The following DIXDC1 variants were observed in gnomAD, a reference collection of about 807,000 sequenced individuals.
The protein encoded by DIXDC1 is dixin.
DIXDC1 carries 64 observed loss-of-function variants against 103.1 expected under a neutral mutation model. The ratio of observed to expected loss-of-function variants is 0.62; its 90% CI spans 0.51 to 0.76. The LOEUF is 0.76. Among genes scored for constraint, DIXDC1 ranks in the 30% least tolerant of loss-of-function variants. The probability of loss-of-function intolerance (pLI) is 0.00; values close to 1 mark genes in which losing one functional copy is unlikely to be tolerated. For missense variants in DIXDC1, 759 were observed against 834.2 expected, an observed-to-expected ratio of 0.91 and a Z score of 1.11; for synonymous variants, 266 against 298.5, an observed-to-expected ratio of 0.89 and a Z score of 1.12.
chr11:111,966,933 C>T (rs1859759401), intron 2 of DIXDC1, among the ~76,000 whole-genome samples: 1 of 152,190 alleles, frequency 6.6e-6, no homozygotes, highest in African/African-American at 2.4e-5. Context: ...GGCCTCAGAC[C>T]TCATTTTATT....
rs1966244901 is a variant in DIXDC1, at chr11:111,937,438, A to G, written c.-62A>G. The G allele has an allele frequency of 1.3e-6, 2 of 1,547,442 alleles. No individual in the cohort carries two copies. The highest frequency in any genetic ancestry group is 4.0e-5 in the Admixed American group (2 of 49,950). On this transcript the variant is annotated 5_prime_UTR_variant, in exon 1 of 20. Coordinates refer to ENST00000440460, the MANE Select transcript of DIXDC1 (RefSeq NM_001037954.4). The stretch of plus-strand genomic sequence containing the variant: ...GAGAGCCTTTGTGTGCAGAGGGAGG[A>G]GGAGGAGGCGGCGGCGGCCGCCGGG...
intron 9 of DIXDC1, among the ~76,000 whole-genome samples, chr11:111,988,722 A>G (rs1427592656): frequency 6.6e-6 from 1 of 152,188 alleles, no homozygotes; most frequent in Non-Finnish European, 1.5e-5. Flanking sequence ...AAATATAGAA[A>G]TGAGAGCCTA....
At chr11:111,989,086 A>C (rs1211706305) in intron 10 of DIXDC1, 31 bp downstream of exon 10, 2 of 1,557,766 alleles carry the variant, frequency 1.3e-6, no homozygotes, top group East Asian at 2.3e-5. Flanking sequence ...TTCTTTAAAT[A>C]AAGTCTCTGC....
At chr11:111,985,196 A>C (rs782199361) in intron 7 of DIXDC1, 36 bp from the exon 8 acceptor site, 29 of 1,530,430 alleles carry the variant, frequency 1.9e-5, no homozygotes, top group Non-Finnish European at 2.4e-5. Flanking sequence ...CATCTGAAGG[A>C]GAGTTAAGTT....
At chr11:111,946,845 G>T in intron 1 of DIXDC1, 1 of 405,656 alleles carries the variant, frequency 2.5e-6, no homozygotes, top group Non-Finnish European at 5.0e-6. Flanking sequence ...TTTTGTTAGA[G>T]GCTGTATTGC....
At chr11:111,962,865 T>C (rs1038926452) in intron 1 of DIXDC1, among the ~76,000 whole-genome samples, 1 of 152,186 alleles carries the variant, frequency 6.6e-6, no homozygotes, top group Admixed American at 6.5e-5. Flanking sequence ...AGGTGCCCTT[T>C]GCCTGGTCTG....
At chr11:111,996,262 A>G in intron 17 of DIXDC1, 116 bp downstream of exon 17, 5 of 878,040 alleles carry the variant, frequency 5.7e-6, no homozygotes, top group Non-Finnish European at 8.6e-6. Flanking sequence ...CTTTTATACT[A>G]TTTTGTTTCT....
rs1384185777 is a variant in DIXDC1 at position 111,968,470 on chromosome 11, A to G, written c.191-43A>G. 4 of 1,596,334 alleles carry G rather than the reference A, an allele frequency of 2.5e-6. No homozygotes were observed. The African/African-American group carries it at 5.4e-5, about 21-fold the overall frequency. Reference sequence around the variant, plus strand: ...GTCTAGCTGCTATGAAACTTTGATAATATTCCTCCCTATAACTTCCTATAT... The same window carrying G: ...GTCTAGCTGCTATGAAACTTTGATAGTATTCCTCCCTATAACTTCCTATAT... On this transcript the variant is annotated intron_variant, in intron 2 of 19. Transcript: ENST00000440460.
intron 9 of DIXDC1, among the ~76,000 whole-genome samples, chr11:111,987,424 G>A (rs1485889648): frequency 1.3e-4 from 20 of 151,880 alleles, no homozygotes; most frequent in East Asian, 3.9e-4. Context: ...ATAGAATTTC[G>A]GTGTCATTAT....
chr11:111,985,312 G>C lies in DIXDC1; in HGVS notation c.999G>C (p.Glu333Asp), dbSNP rs782585635. The change falls in exon 8 of 20, where the codon GAG becomes GAC. Residue 333 changes from glutamate to aspartate, a missense_variant. Transcript: ENST00000440460. Reference sequence around the variant, plus strand: ...TCTGTGAACCAGGTGTCAATCCCGAGGAACAACTGGTGAGCTCCATCTTTT... The same window carrying C: ...TCTGTGAACCAGGTGTCAATCCCGACGAACAACTGGTGAGCTCCATCTTTT... ...LALCEPGVNP[E>D]EQLIIIQSRL... 26 of 1,612,642 alleles carry C rather than the reference G, an allele frequency of 1.6e-5. No individual in the cohort carries two copies. The highest frequency in any genetic ancestry group is 2.2e-5 in the Non-Finnish European group (26 of 1,179,310).
At chr11:112,004,177 AT>A (rs1861164321) in intron 17 of DIXDC1, among the ~76,000 whole-genome samples, 2 of 151,834 alleles carry the variant, frequency 1.3e-5, no homozygotes, top group Admixed American at 1.3e-4. Context: ...TAGAACTGAT[AT>A]GTATCAATTT....
intron 1 of DIXDC1, among the ~76,000 whole-genome samples, chr11:111,962,632 G>C (rs782543966): frequency 6.6e-6 from 1 of 152,208 alleles, no homozygotes; most frequent in African/African-American, 2.4e-5. Flanking sequence ...AGGCTAGCAC[G>C]TGACGAGCTT....
At chr11:111,978,068 C>T (rs1445557528) in intron 5 of DIXDC1, among the ~76,000 whole-genome samples, 1 of 152,012 alleles carries the variant, frequency 6.6e-6, no homozygotes, top group African/African-American at 2.4e-5. Context: ...GCCTATTACC[C>T]GTTTAAAAAA....
intron 17 of DIXDC1, among the ~76,000 whole-genome samples, chr11:111,997,988 C>G (rs1860956071): frequency 6.6e-6 from 1 of 152,316 alleles, no homozygotes; most frequent in Non-Finnish European, 1.5e-5. Flanking sequence ...TCTTTTCTTC[C>G]TCACTTCCTG....
chr11:111,988,852 G>A, intron 9 of DIXDC1, 153 bp from the exon 10 acceptor site: 1 of 614,414 alleles, frequency 1.6e-6, no homozygotes. Flanking sequence ...AGCCTGTACT[G>A]CTCACTGAAC....
At chr11:111,969,638 A>G (rs1389871542) in intron 3 of DIXDC1, among the ~76,000 whole-genome samples, 1 of 152,180 alleles carries the variant, frequency 6.6e-6, no homozygotes, top group African/African-American at 2.4e-5. Context: ...CTGTTTCTCG[A>G]GAACTGACTA....
intron 1 of DIXDC1, among the ~76,000 whole-genome samples, chr11:111,951,416 C>CAA (rs1555169967): frequency 2.6e-5 from 4 of 151,986 alleles, no homozygotes; most frequent in African/African-American, 9.7e-5. Context: ...CTACTGTATA[C>CAA]CTATAAAAAT....
intron 17 of DIXDC1, among the ~76,000 whole-genome samples, chr11:111,997,604 AGT>A (rs1555175532): frequency 6.6e-6 from 1 of 152,220 alleles, no homozygotes; most frequent in African/African-American, 2.4e-5. Flanking sequence ...GTTTCAAAAT[AGT>A]CATTTCTATT....
intron 1 of DIXDC1, among the ~76,000 whole-genome samples, chr11:111,950,862 CCTTT>C (rs1464670504): frequency 2.0e-5 from 3 of 152,106 alleles, no homozygotes; most frequent in Non-Finnish European, 2.9e-5. Flanking sequence ...AAACATTTAT[CCTTT>C]CTTTGTGTTA....
Sources: gnomAD v4.1 joint callset for allele counts (sites outside exome capture counted in the v4.1 genomes callset) on GRCh38, gnomAD v4.1.1 for gene constraint, MANE v1.5 for transcripts, NCBI Gene and HGNC (gene_info 2026-07-23, HGNC 2026-07-21) for gene names.